The following GRM6 variants were observed in gnomAD, a reference collection of about 807,000 sequenced individuals.
The protein encoded by GRM6 is glutamate metabotropic receptor 6, also known as metabotropic glutamate receptor 6.
A neutral mutation model predicts 78.4 loss-of-function variants in GRM6; 73 were observed. That is an observed-to-expected ratio of 0.93 (90% CI 0.77 to 1.13). The LOEUF (loss-of-function observed/expected upper bound fraction) is 1.13, where lower values mean the gene tolerates loss of function less well. Among genes scored for constraint, GRM6 ranks in the 50% most tolerant of loss-of-function variants. The probability of loss-of-function intolerance (pLI) is 0.00; values close to 1 mark genes in which losing one functional copy is unlikely to be tolerated. For missense variants in GRM6, 1,251 were observed against 1,256.4 expected, an observed-to-expected ratio of 1.00 and a Z score of 0.07; for synonymous variants, 580 against 555.0, an observed-to-expected ratio of 1.05 and a Z score of -0.63.
At position 178,992,718 on chromosome 5, in the gene GRM6, G is replaced by C. The variant is rs1027880047; in HGVS notation, c.505-635C>G. On this transcript the variant is annotated intron_variant, in intron 2 of 10. Coordinates refer to ENST00000517717, the MANE Select transcript of GRM6 (RefSeq NM_000843.4). This position sits in a 1 kb window ranked among gnomAD's most constrained non-coding sequence, Gnocchi z 4.9. ...GCCAAGAGGGGGCTATGGGGCTCCA[G>C]CGCAAGAGGGGCTATAGCAGGAGCT... Among the ~76,000 whole-genome samples, 1 of 152,118 alleles carries C rather than the reference G, an allele frequency of 6.6e-6. No homozygotes were observed. The highest frequency in any genetic ancestry group is 1.5e-5 in the Non-Finnish European group (1 of 68,016).
chr5:178,994,977 G>T lies in GRM6; in HGVS notation c.-16-17C>A. Reference sequence around the variant, plus strand: ...TCTAGCGGGCTGCGGGGAGACAGAGGGGCGGGGAGCGCTCTGAGGGCGGGG... The same window carrying T: ...TCTAGCGGGCTGCGGGGAGACAGAGTGGCGGGGAGCGCTCTGAGGGCGGGG... On this transcript the variant is annotated splice_polypyrimidine_tract_variant and intron_variant, in intron 1 of 10. Coordinates refer to ENST00000517717, the MANE Select transcript of GRM6 (RefSeq NM_000843.4). The T allele has an allele frequency of 8.8e-7, 1 of 1,140,912 alleles. No individual in the cohort carries two copies. The highest frequency in any genetic ancestry group is 4.8e-5 in the Admixed American group (1 of 20,622). 70.7% of individuals were successfully genotyped at this position (1,140,912 alleles called of 1,614,324 possible). A position where few individuals can be genotyped will look rare whatever the true frequency, so the allele number is the denominator to read the frequency against.
Sources: gnomAD v4.1 joint callset for allele counts (sites outside exome capture counted in the v4.1 genomes callset) on GRCh38, gnomAD v4.1.1 for gene constraint, Gnocchi (gnomAD v3.1) non-coding constraint, MANE v1.5 for transcripts, NCBI Gene and HGNC (gene_info 2026-07-23, HGNC 2026-07-21) for gene names.